DHRSX: variants seen among roughly 807,000 people sequenced by gnomAD.
The protein encoded by DHRSX is dehydrogenase/reductase X-linked.
Under a neutral mutation model 34.0 loss-of-function variants are expected in DHRSX, and 31 were observed. The ratio of observed to expected loss-of-function variants is 0.91; its 90% CI spans 0.69 to 1.23. The LOEUF (loss-of-function observed/expected upper bound fraction) is 1.23, where lower values mean the gene tolerates loss of function less well. DHRSX is among the 50% of genes most tolerant of loss of function. The pLI is 0.00. For missense variants in DHRSX, 414 were observed against 428.1 expected (o/e 0.97, Z 0.29); for synonymous variants, 201 against 183.8 (o/e 1.09, Z -0.76).
intron 1 of DHRSX, among the ~76,000 whole-genome samples, chrX:2,473,100 A>G (rs1257089676): frequency 5.3e-5 from 8 of 152,034 alleles, no homozygotes; most frequent in Non-Finnish European, 1.0e-4. Flanking sequence ...TAAGGTGCCC[A>G]CAGCATCCTC....
intron 3 of DHRSX, among the ~76,000 whole-genome samples, chrX:2,325,478 C>T (rs2042373809): frequency 6.6e-6 from 1 of 152,226 alleles, no homozygotes; most frequent in Non-Finnish European, 1.5e-5. Context: ...CTCCATCTTC[C>T]CTCCTCTTTG....
intron 3 of DHRSX, among the ~76,000 whole-genome samples, chrX:2,322,718 A>C (rs2042327561): frequency 6.6e-6 from 1 of 150,386 alleles, no homozygotes; most frequent in Admixed American, 6.7e-5. Context: ...TCTCTAGCAT[A>C]CTTTAATAAT....
intron 6 of DHRSX, among the ~76,000 whole-genome samples, chrX:2,235,429 T>C (rs1232457618): frequency 6.6e-6 from 1 of 152,006 alleles, no homozygotes; most frequent in East Asian, 1.9e-4. Flanking sequence ...CTTAAATTTA[T>C]AATAAATAAG....
intron 3 of DHRSX, among the ~76,000 whole-genome samples, chrX:2,297,382 C>CA (rs1363196338): frequency 3.9e-5 from 6 of 152,270 alleles, no homozygotes; most frequent in African/African-American, 1.4e-4. Flanking sequence ...CTTGGCCTCT[C>CA]AAAGTGCTGG....
At chrX:2,249,468 A>C (rs1256857132) in intron 5 of DHRSX, among the ~76,000 whole-genome samples, 1 of 138,780 alleles carries the variant, frequency 7.2e-6, no homozygotes, top group Non-Finnish European at 1.5e-5. Context: ...AAAGTGCTGG[A>C]ATGACAGACG....
chrX:2,247,615 C>G (rs758891840), intron 5 of DHRSX, among the ~76,000 whole-genome samples: 157 of 145,356 alleles, frequency 1.1e-3, no homozygotes, highest in African/African-American at 3.8e-3. Context: ...GATTGCGCCA[C>G]TGCACTCCAG....
At chrX:2,326,286 G>A (rs1232818722) in intron 3 of DHRSX, among the ~76,000 whole-genome samples, 3 of 152,176 alleles carry the variant, frequency 2.0e-5, no homozygotes, top group Non-Finnish European at 2.9e-5. Context: ...ACTTTGGGAG[G>A]CCAAGGCGGG....
At chrX:2,463,873 T>A (rs1407689726) in intron 1 of DHRSX, among the ~76,000 whole-genome samples, 2 of 151,828 alleles carry the variant, frequency 1.3e-5, no homozygotes, top group African/African-American at 4.8e-5. Context: ...GGCCAAGGGA[T>A]CGCCACCGAG....
chrX:2,354,881 G>A lies in DHRSX; in HGVS notation c.286+53864C>T, dbSNP rs147523074. Reference sequence around the variant, plus strand: ...AAGGAGGAAAAAAGAACCAACTCACGCATCCTCCAGGGGTGAAGACTGGGC... The same window carrying A: ...AAGGAGGAAAAAAGAACCAACTCACACATCCTCCAGGGGTGAAGACTGGGC... On this transcript the variant is annotated intron_variant, in intron 3 of 6. Coordinates refer to ENST00000334651, the MANE Select transcript of DHRSX (RefSeq NM_145177.3). Among the ~76,000 whole-genome samples, 474 of 152,268 alleles carry A rather than the reference G, an allele frequency of 3.1e-3. 5 individuals are homozygous for A. The highest frequency in any genetic ancestry group is 0.01 in the African/African-American group (424 of 41,542).
intron 6 of DHRSX, 43 bp downstream of exon 6, chrX:2,242,980 T>C (rs769242846): frequency 6.3e-7 from 1 of 1,585,726 alleles, no homozygotes; most frequent in South Asian, 1.1e-5. Context: ...TCCTGTAGCA[T>C]CTTCAGGTGC....
chrX:2,227,303 CAG>C (rs1486144339), intron 6 of DHRSX, among the ~76,000 whole-genome samples: 1 of 144,158 alleles, frequency 6.9e-6, no homozygotes, highest in Admixed American at 6.9e-5. Flanking sequence ...AGGAGAAAGA[CAG>C]AGAAACAAAA....
At chrX:2,469,619 T>C (rs1031692845) in intron 1 of DHRSX, among the ~76,000 whole-genome samples, 1 of 143,528 alleles carries the variant, frequency 7.0e-6, no homozygotes, top group African/African-American at 2.6e-5. Context: ...ACTGCACTGA[T>C]GACGTTGCCT....
At chrX:2,327,642 C>A (rs1261085393) in intron 3 of DHRSX, among the ~76,000 whole-genome samples, 2 of 152,192 alleles carry the variant, frequency 1.3e-5, no homozygotes, top group African/African-American at 4.8e-5. Context: ...GGGCTGATTC[C>A]TTCTCCCAAA....
At chrX:2,249,494 C>T (rs1265695070) in intron 5 of DHRSX, among the ~76,000 whole-genome samples, 2 of 146,248 alleles carry the variant, frequency 1.4e-5, no homozygotes, top group Admixed American at 6.9e-5. Context: ...TGAGCCACCA[C>T]GCTCAGCCCT....
At chrX:2,333,051 G>A (rs915119733) in intron 3 of DHRSX, among the ~76,000 whole-genome samples, 2 of 152,196 alleles carry the variant, frequency 1.3e-5, no homozygotes, top group East Asian at 1.9e-4. Flanking sequence ...TTCTTTGCTC[G>A]TTTTGCTATT....
chrX:2,245,975 A>C (rs1356041940), intron 5 of DHRSX, among the ~76,000 whole-genome samples: 2 of 148,788 alleles, frequency 1.3e-5, no homozygotes, highest in Admixed American at 6.7e-5. Flanking sequence ...AAAAACAAAA[A>C]AACAAAAAAA....
At chrX:2,490,285 G>A (rs777092860) in intron 1 of DHRSX, 54 of 1,613,580 alleles carry the variant, frequency 3.3e-5, no homozygotes, top group African/African-American at 9.3e-5. Flanking sequence ...AGGTGGGCTC[G>A]TCCACGATGG....
At chrX:2,367,659 T>G (rs1037778857) in intron 3 of DHRSX, among the ~76,000 whole-genome samples, 1 of 152,146 alleles carries the variant, frequency 6.6e-6, no homozygotes, top group African/African-American at 2.4e-5. Flanking sequence ...ACAAAATAAT[T>G]GGAGAGGCGT....
At chrX:2,485,854 G>C (rs950848389) in intron 1 of DHRSX, among the ~76,000 whole-genome samples, 1 of 111,834 alleles carries the variant, frequency 8.9e-6, no homozygotes, top group Non-Finnish European at 1.8e-5. Flanking sequence ...GGGAGAGAAA[G>C]AAAGAAGGGA....
Sources: allele counts gnomAD v4.1 joint callset (sites outside exome capture counted in the v4.1 genomes callset), GRCh38; gene constraint gnomAD v4.1.1; transcripts MANE v1.5; gene names NCBI Gene and HGNC (gene_info 2026-07-23, HGNC 2026-07-21).